The following KIF16B variants were observed in gnomAD, a reference collection of about 807,000 sequenced individuals.
KIF16B encodes the protein kinesin-like protein KIF16B.
A neutral mutation model predicts 156.3 loss-of-function variants in KIF16B; 98 were observed. That is an observed-to-expected ratio of 0.63 (90% CI 0.53 to 0.74). The LOEUF (loss-of-function observed/expected upper bound fraction) is 0.74. KIF16B is among the 30% of genes least tolerant of loss of function. The pLI is 0.00. For synonymous variants in KIF16B, 564 were observed against 583.7 expected (o/e 0.97, Z 0.49); for missense variants, 1,421 against 1,606.5 (o/e 0.88, Z 1.97).
intron 17 of KIF16B, among the ~76,000 whole-genome samples, chr20:16,398,331 C>G (rs913718850): frequency 3.3e-5 from 5 of 152,122 alleles, no homozygotes; most frequent in Non-Finnish European, 7.3e-5. Flanking sequence ...CAGAGATGAT[C>G]AGGTTGAGTT....
rs776445608 is a variant in KIF16B, at chr20:16,487,178, G to A, written c.1302+7113C>T. 5.9e-5 allele frequency among the ~76,000 whole-genome samples: 9 copies of A among 152,166 alleles called. No homozygotes were observed. The East Asian group carries it at 1.4e-3, about 23-fold the overall frequency. ...TGAGGCAGGAGAATGGCATGAATCC[G>A]GAGGCGGAGCTTGCAGTGAGCCAAG... On this transcript the variant is annotated intron_variant, in intron 12 of 25. Transcript: ENST00000354981.
At chr20:16,488,554 CA>C (rs1204422219) in intron 12 of KIF16B, among the ~76,000 whole-genome samples, 1 of 152,012 alleles carries the variant, frequency 6.6e-6, no homozygotes, top group Non-Finnish European at 1.5e-5. Flanking sequence ...AGGATCACTT[CA>C]AAAAAATCAT....
chr20:16,398,184 G>A (rs919805742), intron 17 of KIF16B, among the ~76,000 whole-genome samples: 3 of 152,208 alleles, frequency 2.0e-5, no homozygotes, highest in Non-Finnish European at 4.4e-5. Flanking sequence ...GAAGAGGACT[G>A]GCCAAGGGAA....
At chr20:16,311,716 T>A (rs139918196) in intron 25 of KIF16B, among the ~76,000 whole-genome samples, 29 of 152,286 alleles carry the variant, frequency 1.9e-4, no homozygotes, top group African/African-American at 6.7e-4. Context: ...GTGAAAAGAC[T>A]CAGCCTCATT....
intron 15 of KIF16B, among the ~76,000 whole-genome samples, chr20:16,407,653 C>T (rs909259929): frequency 6.6e-6 from 1 of 152,104 alleles, no homozygotes; most frequent in Non-Finnish European, 1.5e-5. Context: ...GAATCATGTC[C>T]ATCCAAAGTT....
At chr20:16,456,856 T>C (rs184824585) in intron 12 of KIF16B, among the ~76,000 whole-genome samples, 88 of 152,280 alleles carry the variant, frequency 5.8e-4, no homozygotes, top group African/African-American at 2.1e-3. Flanking sequence ...TGCACAGCAG[T>C]CAAGGCTCAT....
chr20:16,323,941 T>A (rs1459742346), intron 24 of KIF16B, among the ~76,000 whole-genome samples: 1 of 151,912 alleles, frequency 6.6e-6, no homozygotes, highest in African/African-American at 2.4e-5. Context: ...CTTTTCCACA[T>A]GAAGTCTCAT....
chr20:16,499,856 A>G (rs1217763619), intron 10 of KIF16B, among the ~76,000 whole-genome samples: 2 of 152,242 alleles, frequency 1.3e-5, no homozygotes, highest in Non-Finnish European at 2.9e-5. Flanking sequence ...CATTGGTAAA[A>G]GTACCATTTT....
chr20:16,470,219 T>C (rs1359027562), intron 12 of KIF16B, among the ~76,000 whole-genome samples: 3 of 152,194 alleles, frequency 2.0e-5, no homozygotes, highest in Non-Finnish European at 4.4e-5. Context: ...CAAGGTGTTT[T>C]TAGGGCAGTG....
chr20:16,524,322 T>A (rs1451835327), intron 3 of KIF16B, among the ~76,000 whole-genome samples: 2 of 151,810 alleles, frequency 1.3e-5, no homozygotes, highest in African/African-American at 4.8e-5. Context: ...TTAAACAAAT[T>A]TACAAGAAAA....
intron 12 of KIF16B, among the ~76,000 whole-genome samples, chr20:16,430,827 T>C (rs2066477231): frequency 6.7e-6 from 1 of 148,498 alleles, no homozygotes; most frequent in Admixed American, 6.7e-5. Flanking sequence ...ACCGCATATA[T>C]GAGTATACTG....
intron 17 of KIF16B, among the ~76,000 whole-genome samples, chr20:16,403,589 A>G (rs2065708847): frequency 6.6e-6 from 1 of 152,232 alleles, no homozygotes; most frequent in African/African-American, 2.4e-5. Context: ...AAATCCTGGA[A>G]AGCGGGGGTG....
intron 23 of KIF16B, among the ~76,000 whole-genome samples, chr20:16,345,969 C>A (rs2064226235): frequency 6.6e-6 from 1 of 152,196 alleles, no homozygotes; most frequent in Non-Finnish European, 1.5e-5. Flanking sequence ...CTGGGGAGCC[C>A]AAAGGAGGGC....
intron 12 of KIF16B, among the ~76,000 whole-genome samples, chr20:16,458,548 G>A (rs2067269012): frequency 6.6e-6 from 1 of 152,066 alleles, no homozygotes; most frequent in South Asian, 2.1e-4. Context: ...GGAAAACTCT[G>A]TCTTTATGAA....
In KIF16B at chr20:16,512,822, C is replaced by G; in HGVS notation, c.446+4G>C. 6.2e-7 allele frequency: 1 copy of G among 1,608,828 alleles called. No individual in the cohort carries two copies. Among genetic ancestry groups the G allele is most frequent in the Non-Finnish European group, 8.5e-7 (1 of 1,175,190 alleles). Reference sequence around the variant, plus strand: ...CACACAGTTACCCAGGCCACAGGCCCTACCTGACTTCAGTTCGAAAAGAAG... The same window carrying G: ...CACACAGTTACCCAGGCCACAGGCCGTACCTGACTTCAGTTCGAAAAGAAG... On this transcript the variant is annotated splice_donor_region_variant and intron_variant, in intron 5 of 25. Transcript: ENST00000354981.
intron 12 of KIF16B, among the ~76,000 whole-genome samples, chr20:16,448,903 G>GAGAGAGAGAGAGA (rs2067006563): frequency 8.4e-6 from 1 of 118,948 alleles, no homozygotes; most frequent in African/African-American, 4.1e-5. Context: ...AGAGAGAGAG[G>GAGAGAGAGAGAGA]GAGGAAACAA....
chr20:16,568,456 C>T (rs2071339498), intron 1 of KIF16B, among the ~76,000 whole-genome samples: 1 of 152,156 alleles, frequency 6.6e-6, no homozygotes, highest in Non-Finnish European at 1.5e-5. Flanking sequence ...CTGCTGAATG[C>T]CAGGCTCTGT....
At chr20:16,347,847 T>C (rs1442247962) in intron 23 of KIF16B, among the ~76,000 whole-genome samples, 1 of 152,202 alleles carries the variant, frequency 6.6e-6, no homozygotes, top group Admixed American at 6.5e-5. Context: ...ACGCCAACAC[T>C]CTACACTTTC....
At chr20:16,490,614 G>A (rs530404682) in intron 12 of KIF16B, among the ~76,000 whole-genome samples, 1 of 152,114 alleles carries the variant, frequency 6.6e-6, no homozygotes, top group African/African-American at 2.4e-5. Flanking sequence ...CAAGTTGCAG[G>A]CACAAAAAAC....
Sources: allele counts gnomAD v4.1 joint callset (sites outside exome capture counted in the v4.1 genomes callset), GRCh38; gene constraint gnomAD v4.1.1; transcripts MANE v1.5; gene names NCBI Gene and HGNC (gene_info 2026-07-23, HGNC 2026-07-21).